Variants in PACRG observed in about 807,000 individuals in gnomAD.
PACRG encodes the protein parkin coregulated gene protein.
In PACRG, 29 loss-of-function variants were observed where a neutral mutation model predicts 29.7. That is an observed-to-expected ratio of 0.98 (90% confidence interval 0.73 to 1.33). The LOEUF is 1.33. PACRG is among the 40% of genes most tolerant of loss of function. The pLI is 0.00. For synonymous variants in PACRG, 116 were observed against 118.7 expected (o/e 0.98, Z 0.15); for missense variants, 279 against 316.2 (o/e 0.88, Z 0.89).
At chr6:163,020,188 A>C (rs1026245291) in intron 2 of PACRG, among the ~76,000 whole-genome samples, 1 of 152,396 alleles carries the variant, frequency 6.6e-6, no homozygotes, top group East Asian at 1.9e-4. Flanking sequence ...CCAAGAGCAC[A>C]GGCCAGCTGT....
At chr6:163,253,878 G>C (rs888300315) in intron 4 of PACRG, among the ~76,000 whole-genome samples, 1 of 152,162 alleles carries the variant, frequency 6.6e-6, no homozygotes, top group African/African-American at 2.4e-5. Flanking sequence ...AGTGCCACTG[G>C]AGCAGGGCTC....
intron 2 of PACRG, among the ~76,000 whole-genome samples, chr6:162,999,274 C>T (rs1804367664): frequency 2.0e-5 from 3 of 152,192 alleles, no homozygotes; most frequent in Admixed American, 2.0e-4. Flanking sequence ...CTCATTAGAA[C>T]TATTACGTTT....
intron 1 of PACRG, among the ~76,000 whole-genome samples, chr6:162,809,639 CAAAAA>C (rs375501317): frequency 2.0e-4 from 31 of 151,902 alleles, no homozygotes; most frequent in African/African-American, 7.0e-4. Flanking sequence ...GTATAAGAGA[CAAAAA>C]GAAAAGAGAA....
At chr6:163,177,709 G>GTTTTTTTTTT (rs1562951194) in intron 4 of PACRG, among the ~76,000 whole-genome samples, 9 of 33,636 alleles carry the variant, frequency 2.7e-4, no homozygotes, top group South Asian at 1.1e-3. Context: ...TTAGAAAAGG[G>GTTTTTTTTTT]ATTTTTTTTT....
chr6:162,911,615 T>A (rs1796307993), intron 2 of PACRG, among the ~76,000 whole-genome samples: 1 of 152,240 alleles, frequency 6.6e-6, no homozygotes, highest in African/African-American at 2.4e-5. Context: ...GACAATTCTC[T>A]AGGTTTATAA....
At chr6:162,764,473 T>G (rs1782626685) in intron 1 of PACRG, among the ~76,000 whole-genome samples, 1 of 152,174 alleles carries the variant, frequency 6.6e-6, no homozygotes, top group Non-Finnish European at 1.5e-5. Context: ...ATATTTGAGA[T>G]TTCACAATTT....
chr6:163,228,516 T>C (rs758572682), intron 4 of PACRG, among the ~76,000 whole-genome samples: 1 of 151,344 alleles, frequency 6.6e-6, no homozygotes, highest in Non-Finnish European at 1.5e-5. Flanking sequence ...TTATGACAAA[T>C]AGATTAAGAT....
intron 2 of PACRG, among the ~76,000 whole-genome samples, chr6:162,888,067 G>C (rs927532288): frequency 6.6e-6 from 1 of 152,112 alleles, no homozygotes. Context: ...GGAGATGAAC[G>C]TCGTGTCCTC....
intron 4 of PACRG, among the ~76,000 whole-genome samples, chr6:163,162,258 G>C (rs1778587119): frequency 6.6e-6 from 1 of 152,204 alleles, no homozygotes; most frequent in Admixed American, 6.5e-5. Flanking sequence ...GGGAGAGGCA[G>C]CTGCAGGTGA....
In PACRG at chr6:162,981,082, C is replaced by G. The variant is rs187410859; in HGVS notation, c.292-81068C>G. ...TCCCCAGTGTCCATTATATCATTCT[C>G]ATGCCTTTGTGTCCTCATAGCTTGA... On this transcript the variant is annotated intron_variant, in intron 2 of 4. Transcript: ENST00000366888. 6.8e-3 allele frequency among the ~76,000 whole-genome samples: 1,037 copies of G among 152,026 alleles called. 14 individuals carry two copies. The highest frequency in any genetic ancestry group is 0.024 in the African/African-American group (978 of 41,472).
At position 163,170,967 on chromosome 6, in the gene PACRG, G is replaced by A. The variant is rs75499622; in HGVS notation, c.613+81559G>A. 482 of 152,322 alleles carry A rather than the reference G, an allele frequency of 3.2e-3. 1 individual carries two copies. Among genetic ancestry groups the A allele is most frequent in the African/African-American group, 0.011 (462 of 41,566 alleles). 9.4% of individuals were successfully genotyped at this position (152,322 alleles called of 1,614,324 possible). A position where few individuals can be genotyped will look rare whatever the true frequency, so the allele number is the denominator to read the frequency against. On this transcript the variant is annotated intron_variant, in intron 4 of 4. Transcript: ENST00000366888. ...GTGAAGTAAAAGGATATCGCCTAGT[G>A]CTAGGTTATAGCAAAACTCTCAAAC...
intron 4 of PACRG, among the ~76,000 whole-genome samples, chr6:163,149,354 G>T (rs561260023): frequency 4.6e-5 from 7 of 152,046 alleles, no homozygotes; most frequent in Non-Finnish European, 8.8e-5. Flanking sequence ...TGGCCCGTCT[G>T]CCCTCCTCGC....
At chr6:163,252,372 G>T (rs1423163035) in intron 4 of PACRG, among the ~76,000 whole-genome samples, 1 of 152,270 alleles carries the variant, frequency 6.6e-6, no homozygotes, top group Non-Finnish European at 1.5e-5. Context: ...TGAGCAGCAG[G>T]GGGGCGACAT....
chr6:162,793,204 G>T (rs1439711788), intron 1 of PACRG, among the ~76,000 whole-genome samples: 1 of 152,118 alleles, frequency 6.6e-6, no homozygotes, highest in Non-Finnish European at 1.5e-5. Context: ...TTGTGTTGTT[G>T]TTCTTTTTTG....
intron 1 of PACRG, among the ~76,000 whole-genome samples, chr6:162,769,805 T>A (rs1398369163): frequency 6.6e-6 from 1 of 151,946 alleles, no homozygotes; most frequent in Non-Finnish European, 1.5e-5. Flanking sequence ...AAAGACTTTT[T>A]TAAATCCAAA....
chr6:162,960,424 C>G (rs879234054), intron 2 of PACRG, among the ~76,000 whole-genome samples: 2 of 152,176 alleles, frequency 1.3e-5, no homozygotes, highest in South Asian at 4.1e-4. Flanking sequence ...ACTACACAGC[C>G]TTAAAAAGAA....
intron 2 of PACRG, among the ~76,000 whole-genome samples, chr6:162,897,572 C>T (rs1562711210): frequency 1.3e-5 from 2 of 152,232 alleles, no homozygotes. Flanking sequence ...AAGATTTACA[C>T]ACCTATGTTC....
chr6:163,057,644 G>A (rs1370596715), intron 2 of PACRG, among the ~76,000 whole-genome samples: 1 of 152,142 alleles, frequency 6.6e-6, no homozygotes. Flanking sequence ...CTCTTTTTAA[G>A]TTGTCTTTGC....
intron 4 of PACRG, among the ~76,000 whole-genome samples, chr6:163,313,541 CTAAT>C (rs1356447257): frequency 3.3e-5 from 5 of 152,122 alleles, no homozygotes; most frequent in East Asian, 1.9e-4. Flanking sequence ...TCTCGAATGA[CTAAT>C]TAAGGATAAA....
Sources: allele counts gnomAD v4.1 joint callset (sites outside exome capture counted in the v4.1 genomes callset), GRCh38; gene constraint gnomAD v4.1.1; transcripts MANE v1.5; gene names NCBI Gene and HGNC (gene_info 2026-07-23, HGNC 2026-07-21).